PTGER4: variants seen among roughly 807,000 people sequenced by gnomAD.
PTGER4 encodes the protein prostaglandin E receptor 4, also known as prostaglandin E2 receptor EP4 subtype.
A neutral mutation model predicts 33.2 loss-of-function variants in PTGER4; 11 were observed. That is an observed-to-expected ratio of 0.33 (90% CI 0.21 to 0.55). The LOEUF (loss-of-function observed/expected upper bound fraction) is 0.55, where lower values mean the gene tolerates loss of function less well. Ranked by LOEUF, PTGER4 falls within the 20% of genes least tolerant of loss-of-function variation. The pLI is 0.92. For synonymous variants in PTGER4, 275 were observed against 281.5 expected (o/e 0.98, Z 0.23); for missense variants, 481 against 650.2 (o/e 0.74, Z 2.83).
the PTGER4 span, among the ~76,000 whole-genome samples, chr5:40,742,581 G>A: frequency 1.3e-5 from 2 of 152,104 alleles, no homozygotes; most frequent in African/African-American, 4.8e-5. Context: ...AAAATCTGTT[G>A]TTATTTTCCT....
rs1741242328 is a variant in PTGER4 at position 40,683,243 on chromosome 5, T to G, written c.867+1383T>G. Among the ~76,000 whole-genome samples the G allele has an allele frequency of 6.6e-6, 1 of 152,196 alleles. No homozygotes were observed. The highest frequency in any genetic ancestry group is 1.5e-5 in the Non-Finnish European group (1 of 68,038). ...GATCTTTGGTGTAAAAATATATCTTTGATAAAAGTGACTGTAAATGGAAGG... is the reference window on the plus strand; with the variant it reads ...GATCTTTGGTGTAAAAATATATCTTGGATAAAAGTGACTGTAAATGGAAGG... On this transcript the variant is annotated intron_variant, in intron 2 of 2. Transcript: ENST00000302472. This position sits in a 1 kb window ranked among gnomAD's most constrained non-coding sequence, Gnocchi z 4.2.
At position 40,681,730 on chromosome 5, in the gene PTGER4, C is replaced by G; in HGVS notation, c.737C>G (p.Pro246Arg). 1.3e-6 allele frequency: 2 copies of G among 1,597,744 alleles called. No individual in the cohort carries two copies. The highest frequency in any genetic ancestry group is 1.1e-5 in the South Asian group (1 of 90,286). ...VASRGHPAAS[P>R]ALPRLSDFRR... The stretch of plus-strand genomic sequence containing the variant: ...TCCCGGGGCCACCCCGCTGCCTCCC[C>G]AGCCTTGCCGCGCCTCAGCGACTTT... Residue 246 changes from proline to arginine, a missense_variant, in exon 2 of 3, where the codon CCA becomes CGA. Around this residue, in one of 7 missense-constraint regions of PTGER4, gnomAD observed 174 missense variants for 210.5 expected, o/e 0.83. Coordinates refer to ENST00000302472, the MANE Select transcript of PTGER4 (RefSeq NM_000958.3). The surrounding 1 kb of genome is among the most constrained non-coding windows in gnomAD (Gnocchi z 9.8).
At chr5:40,701,542 C>T in the PTGER4 span, among the ~76,000 whole-genome samples, 1 of 151,932 alleles carries the variant, frequency 6.6e-6, no homozygotes, top group South Asian at 2.1e-4. Context: ...TGCAAAGGGG[C>T]CAAATCTATG....
chr5:40,733,146 G>A, the PTGER4 span, among the ~76,000 whole-genome samples: 1 of 152,088 alleles, frequency 6.6e-6, no homozygotes, highest in African/African-American at 2.4e-5. Flanking sequence ...CCCAAGACTA[G>A]GGGAATGTGA....
At position 40,681,664 on chromosome 5, in the gene PTGER4, G is replaced by C. The variant is rs759791980; in HGVS notation, c.671G>C (p.Gly224Ala). 3 of 1,584,598 alleles carry C rather than the reference G, an allele frequency of 1.9e-6. No individual in the cohort carries two copies. The South Asian group carries it at 3.4e-5, about 18-fold the overall frequency. Reference protein sequence around the residue: ...HRQFMRRTSLGTEQHHAAAAA... With the variant: ...HRQFMRRTSLATEQHHAAAAA... ...CAGTTCATGCGCCGCACCTCGCTGG[G>C]CACCGAGCAGCACCACGCGGCCGCG... Residue 224 changes from glycine (G) to alanine (A), a missense_variant, in exon 2 of 3, where the codon GGC (glycine) becomes GCC (alanine). By Grantham distance (60) the Gly-to-Ala change is moderately conservative. Around this residue, in one of 7 missense-constraint regions of PTGER4, gnomAD observed 174 missense variants for 210.5 expected, o/e 0.83. Transcript: ENST00000302472. This position sits in a 1 kb window ranked among gnomAD's most constrained non-coding sequence, Gnocchi z 9.8.
chr5:40,686,740 TA>T (rs908395221), intron 2 of PTGER4, among the ~76,000 whole-genome samples: 1 of 151,960 alleles, frequency 6.6e-6, no homozygotes, highest in Non-Finnish European at 1.5e-5. Flanking sequence ...TAACATAATT[TA>T]AAAAAAATTA....
At chr5:40,721,151 G>A in the PTGER4 span, among the ~76,000 whole-genome samples, 1 of 152,136 alleles carries the variant, frequency 6.6e-6, no homozygotes, top group South Asian at 2.1e-4. Flanking sequence ...ACTACCAAAA[G>A]GACTGGCTTC....
chr5:40,725,422 G>A, the PTGER4 span, among the ~76,000 whole-genome samples: 1 of 152,154 alleles, frequency 6.6e-6, no homozygotes, highest in Non-Finnish European at 1.5e-5. Flanking sequence ...TCTAATTAAA[G>A]ATTTGCTCAT....
the PTGER4 span, among the ~76,000 whole-genome samples, chr5:40,740,488 C>G: frequency 6.6e-6 from 1 of 152,000 alleles, no homozygotes; most frequent in African/African-American, 2.4e-5. Context: ...GCATAGACCT[C>G]CAGCTGACCT....
rs769958898 is a variant in PTGER4, at chr5:40,691,738, G to T, written c.868-41G>T. 1.3e-6 allele frequency: 2 copies of T among 1,572,610 alleles called. No homozygotes were observed. Among genetic ancestry groups the T allele is most frequent in the Admixed American group, 3.7e-5 (2 of 54,284 alleles). ...ATAGCATTTATATGTTTTCCCAATT[G>T]ATTAATGATGAAATCTAAATGTGCG... On this transcript the variant is annotated intron_variant, in intron 2 of 2. Transcript: ENST00000302472. The surrounding 1 kb of genome is among the most constrained non-coding windows in gnomAD (Gnocchi z 4.2).
chr5:40,724,318 A>T, the PTGER4 span, among the ~76,000 whole-genome samples: 1 of 152,200 alleles, frequency 6.6e-6, no homozygotes, highest in Non-Finnish European at 1.5e-5. Flanking sequence ...TCTCTAAAAC[A>T]GGCAAATTCA....
At chr5:40,714,809 A>C in the PTGER4 span, 3 of 152,276 alleles carry the variant, frequency 2.0e-5, no homozygotes, top group Non-Finnish European at 4.4e-5. Context: ...ATTACTTATA[A>C]GCTCCAACAG....
the PTGER4 span, among the ~76,000 whole-genome samples, chr5:40,738,514 C>CAATAAAATAA: frequency 1.0e-4 from 8 of 79,810 alleles, no homozygotes; most frequent in African/African-American, 3.4e-4. Flanking sequence ...CAATAAAATA[C>CAATAAAATAA]AATAAAATAA....
chr5:40,705,725 A>G, the PTGER4 span, among the ~76,000 whole-genome samples: 1 of 152,242 alleles, frequency 6.6e-6, no homozygotes, highest in African/African-American at 2.4e-5. Context: ...ATATAAAAAA[A>G]GCTCAATATC....
the PTGER4 span, among the ~76,000 whole-genome samples, chr5:40,707,527 A>G: frequency 6.6e-6 from 1 of 152,240 alleles, no homozygotes; most frequent in Non-Finnish European, 1.5e-5. Flanking sequence ...CCAGATTCAT[A>G]AAGCAAGTCC....
At chr5:40,726,807 T>C in the PTGER4 span, among the ~76,000 whole-genome samples, 1 of 152,080 alleles carries the variant, frequency 6.6e-6, no homozygotes, top group Non-Finnish European at 1.5e-5. Context: ...AAAGAGATAG[T>C]GATGTATAAA....
At chr5:40,697,298 A>AAAGAGAG (rs1561134578), downstream of PTGER4, among the ~76,000 whole-genome samples, 2 of 138,692 alleles carry the variant, frequency 1.4e-5, no homozygotes, top group South Asian at 4.5e-4. Flanking sequence ...AAGAAAGAAA[A>AAAGAGAG]AGAAAGGCCA....
chr5:40,692,602 G>T lies in PTGER4; in HGVS notation c.*224G>T. 1.5e-6 allele frequency: 2 copies of T among 1,304,362 alleles called. No homozygotes were observed. The highest frequency in any genetic ancestry group is 3.1e-5 in the East Asian group (1 of 32,154). 80.8% of individuals were successfully genotyped at this position (1,304,362 alleles called of 1,614,324 possible). A position where few individuals can be genotyped will look rare whatever the true frequency, so the allele number is the denominator to read the frequency against. ...TGCTACCCCACTATGACAGAGGATT[G>T]TGGTCACAACTTGATGGCTGCGAAG... On this transcript the variant is annotated 3_prime_UTR_variant, in exon 3 of 3. Coordinates refer to ENST00000302472, the MANE Select transcript of PTGER4 (RefSeq NM_000958.3).
intron 2 of PTGER4, among the ~76,000 whole-genome samples, chr5:40,686,740 T>A (rs1741332412): frequency 6.6e-6 from 1 of 151,962 alleles, no homozygotes; most frequent in Non-Finnish European, 1.5e-5. Flanking sequence ...TAACATAATT[T>A]AAAAAAAATT....
Sources: gnomAD v4.1 joint callset for allele counts (sites outside exome capture counted in the v4.1 genomes callset) on GRCh38, gnomAD v4.1.1 for gene constraint, gnomAD v4.1.1 regional missense constraint, Gnocchi (gnomAD v3.1) non-coding constraint, MANE v1.5 for transcripts, NCBI Gene and HGNC (gene_info 2026-07-23, HGNC 2026-07-21) for gene names.